The following PCGF5 variants were observed in gnomAD, a reference collection of about 807,000 sequenced individuals.
PCGF5 encodes polycomb group RING finger protein 5.
PCGF5 carries 9 observed loss-of-function variants against 44.3 expected under a neutral mutation model. The ratio of observed to expected loss-of-function variants is 0.20; its 90% confidence interval spans 0.12 to 0.35. The LOEUF (loss-of-function observed/expected upper bound fraction) is 0.35. Ranked by LOEUF, PCGF5 falls within the 10% of genes least tolerant of loss-of-function variation. PCGF5 has a pLI of 1.00. For missense variants in PCGF5, 146 were observed against 305.3 expected (o/e 0.48, Z 3.89); for synonymous variants, 95 against 102.5 (o/e 0.93, Z 0.44).
At position 91,227,731 on chromosome 10, in the gene PCGF5, G is replaced by A. The variant is rs191778547; in HGVS notation, c.112+4748G>A. On this transcript the variant is annotated intron_variant, in intron 2 of 9. Transcript: ENST00000336126. ...CCTCAGGATACATTAAAGCTACTTA[G>A]TGGTGACTGGTTTCTGCCTACCACT... The A allele has an allele frequency of 1.5e-5, 15 of 1,002,118 alleles. No individual in the cohort carries two copies. The Admixed American group carries it at 3.9e-4, about 26-fold the overall frequency. 62.1% of individuals were successfully genotyped at this position (1,002,118 alleles called of 1,614,324 possible).
At chr10:91,220,253 GGAT>G (rs1178133387), upstream of PCGF5, 1 of 151,710 alleles carries the variant, frequency 6.6e-6, no homozygotes, top group East Asian at 1.9e-4. Context: ...GCAAATCAAG[GGAT>G]GGCTTTGTCC....
chr10:91,254,172 G>A (rs544199484), intron 6 of PCGF5, among the ~76,000 whole-genome samples: 2 of 150,494 alleles, frequency 1.3e-5, no homozygotes, highest in Admixed American at 6.6e-5. Context: ...GTATGTGTTC[G>A]TTCTCTCTCT....
Position 91,222,700 on chromosome 10 carries a change from C to T in PCGF5, c.-172C>T. The T allele has an allele frequency of 3.9e-6, 2 of 515,132 alleles. No individual in the cohort carries two copies. The highest frequency in any genetic ancestry group is 3.5e-6 in the Non-Finnish European group (1 of 289,672). 31.9% of individuals were successfully genotyped at this position (515,132 alleles called of 1,614,324 possible). On this transcript the variant is annotated 5_prime_UTR_variant, in exon 2 of 10. Transcript: ENST00000336126. ...GATTTTGGAAACAGACATGGGAAAGCGGAACCACCAAAAGGAGTGATGATC... is the reference window on the plus strand; with the variant it reads ...GATTTTGGAAACAGACATGGGAAAGTGGAACCACCAAAAGGAGTGATGATC...
Position 91,278,432 on chromosome 10 carries a change from A to G in PCGF5, c.*116A>G. On this transcript the variant is annotated 3_prime_UTR_variant, in exon 10 of 10. Transcript: ENST00000336126. ...AACACAACCAGATTTTCAGCATGCAAATAAGGCCATTGTCTATCTCTAAAT... is the reference window on the plus strand; with the variant it reads ...AACACAACCAGATTTTCAGCATGCAGATAAGGCCATTGTCTATCTCTAAAT... The G allele has an allele frequency of 1.1e-6, 1 of 900,004 alleles. No individual in the cohort carries two copies. The highest frequency in any genetic ancestry group is 1.8e-6 in the Non-Finnish European group (1 of 549,186). The allele number at this position is 900,004 out of a possible 1,614,324, so 55.8% of individuals were successfully genotyped here.
intron 8 of PCGF5, among the ~76,000 whole-genome samples, chr10:91,271,340 A>G (rs957492047): frequency 6.6e-6 from 1 of 152,030 alleles, no homozygotes; most frequent in African/African-American, 2.4e-5. Flanking sequence ...AAGAAGTGAG[A>G]TTTTCCCAGG....
chr10:91,176,400 C>A (rs2133180250), intron 1 of PCGF5, among the ~76,000 whole-genome samples: 1 of 152,242 alleles, frequency 6.6e-6, no homozygotes, highest in African/African-American at 2.4e-5. Context: ...TGGAGTTGCT[C>A]TTCTCAAGGA....
intron 1 of PCGF5, among the ~76,000 whole-genome samples, chr10:91,211,660 A>G (rs911350809): frequency 3.3e-5 from 5 of 152,236 alleles, no homozygotes; most frequent in Admixed American, 1.3e-4. Flanking sequence ...CAGTTTAGGA[A>G]GATGTAGAAT....
intron 1 of PCGF5, among the ~76,000 whole-genome samples, chr10:91,187,980 T>A (rs962346793): frequency 3.0e-4 from 45 of 152,208 alleles, no homozygotes; most frequent in Non-Finnish European, 4.3e-4. Flanking sequence ...TTAATTTTTT[T>A]AAATTATTAT....
At chr10:91,201,089 A>G (rs1844243511) in intron 1 of PCGF5, among the ~76,000 whole-genome samples, 1 of 152,232 alleles carries the variant, frequency 6.6e-6, no homozygotes, top group Non-Finnish European at 1.5e-5. Flanking sequence ...CTGCCCACTT[A>G]GACCACATTT....
intron 2 of PCGF5, among the ~76,000 whole-genome samples, chr10:91,231,623 C>T (rs958433105): frequency 2.0e-5 from 3 of 152,132 alleles, no homozygotes; most frequent in Admixed American, 1.3e-4. Context: ...TGGGCATGGC[C>T]GCAGGCACGT....
intron 8 of PCGF5, among the ~76,000 whole-genome samples, chr10:91,269,904 G>A (rs953677071): frequency 7.9e-5 from 12 of 151,992 alleles, no homozygotes; most frequent in African/African-American, 2.7e-4. Flanking sequence ...TTGCTGTTAT[G>A]TGTTACAGCT....
the PCGF5 span, among the ~76,000 whole-genome samples, chr10:91,157,838 C>G: frequency 4.6e-5 from 7 of 152,308 alleles, no homozygotes; most frequent in Admixed American, 2.6e-4. Flanking sequence ...CCTCAATTTC[C>G]TCTTTCAAAA....
chr10:91,182,493 C>A (rs1226182637), intron 1 of PCGF5, among the ~76,000 whole-genome samples: 1 of 151,920 alleles, frequency 6.6e-6, no homozygotes, highest in African/African-American at 2.4e-5. Flanking sequence ...TTTTCAAAAG[C>A]AAGCTCCTGG....
At chr10:91,252,087 G>T (rs1010754377) in intron 6 of PCGF5, among the ~76,000 whole-genome samples, 6 of 151,746 alleles carry the variant, frequency 4.0e-5, no homozygotes, top group African/African-American at 1.5e-4. Flanking sequence ...TCTTTAAATG[G>T]TGTTACTTTA....
intron 1 of PCGF5, among the ~76,000 whole-genome samples, chr10:91,174,440 G>A (rs1843665763): frequency 6.6e-6 from 1 of 152,130 alleles, no homozygotes; most frequent in African/African-American, 2.4e-5. Context: ...CCAGGAGGTG[G>A]AGATTGTAGT....
At chr10:91,245,989 G>A (rs77566849) in intron 3 of PCGF5, among the ~76,000 whole-genome samples, 1,874 of 152,234 alleles carry the variant, frequency 0.012, 20 homozygotes, top group Admixed American at 0.023. Flanking sequence ...AGCCATGGGT[G>A]CCAGTGCAGA....
At chr10:91,257,208 C>G (rs961860714) in intron 6 of PCGF5, among the ~76,000 whole-genome samples, 33 of 151,968 alleles carry the variant, frequency 2.2e-4, no homozygotes, top group Non-Finnish European at 3.5e-4. Context: ...GGAAAAGTTG[C>G]TAAATATCAC....
In PCGF5 at chr10:91,222,698, A is replaced by G. The variant is rs1424936068; in HGVS notation, c.-174A>G. The G allele has an allele frequency of 1.9e-6, 1 of 520,178 alleles. No homozygotes were observed. The highest frequency in any genetic ancestry group is 3.4e-6 in the Non-Finnish European group (1 of 292,528). The allele number at this position is 520,178 out of a possible 1,614,324, so 32.2% of individuals were successfully genotyped here. A position where few individuals can be genotyped will look rare whatever the true frequency, so the allele number is the denominator to read the frequency against. ...ATGATTTTGGAAACAGACATGGGAA[A>G]GCGGAACCACCAAAAGGAGTGATGA... On this transcript the variant is annotated 5_prime_UTR_variant, in exon 2 of 10. Transcript: ENST00000336126.
At chr10:91,222,283 C>A (rs1172778364) in intron 1 of PCGF5, among the ~76,000 whole-genome samples, 1 of 152,052 alleles carries the variant, frequency 6.6e-6, no homozygotes, top group Admixed American at 6.5e-5. Context: ...TGGTTTGACT[C>A]GTAACTGGAT....
Sources: allele counts gnomAD v4.1 joint callset (sites outside exome capture counted in the v4.1 genomes callset), GRCh38; gene constraint gnomAD v4.1.1; transcripts MANE v1.5; gene names NCBI Gene and HGNC (gene_info 2026-07-23, HGNC 2026-07-21).